FHDC1: variants seen among roughly 807,000 people sequenced by gnomAD.
FHDC1 encodes the protein FH2 domain-containing protein 1.
In FHDC1, 25 loss-of-function variants were observed where a neutral mutation model predicts 52.6. The observed-to-expected ratio is 0.48, with a 90% CI of 0.35 to 0.66. The LOEUF is 0.66. Among genes scored for constraint, FHDC1 ranks in the 30% least tolerant of loss-of-function variants. The pLI, the probability that FHDC1 is intolerant of heterozygous loss-of-function variation, is 0.01. For synonymous variants in FHDC1, 616 were observed against 581.5 expected, an observed-to-expected ratio of 1.06 and a Z score of -0.85; for missense variants, 1,459 against 1,452.8, an observed-to-expected ratio of 1.00 and a Z score of -0.07.
At chr4:152,916,097 T>G in the FHDC1 span, among the ~76,000 whole-genome samples, 1 of 151,766 alleles carries the variant, frequency 6.6e-6, no homozygotes, top group East Asian at 1.9e-4. Flanking sequence ...TGAGACATTC[T>G]ACAACATAAT....
intron 1 of FHDC1, among the ~76,000 whole-genome samples, chr4:152,936,772 C>G (rs1479472853): frequency 2.0e-5 from 3 of 152,260 alleles, no homozygotes; most frequent in Non-Finnish European, 4.4e-5. Context: ...GACTATTAGT[C>G]GTGGCTAAGA....
At position 152,943,450 on chromosome 4, in the gene FHDC1, A is replaced by G. The variant is rs140044104; in HGVS notation, c.393A>G (p.Thr131=). 3 of 1,614,034 alleles carry G rather than the reference A, an allele frequency of 1.9e-6. No homozygotes were observed. The highest frequency in any genetic ancestry group is 1.7e-5 in the Admixed American group (1 of 60,010). Reference sequence around the variant, plus strand: ...AGGAACATCACTACCAAATTGATACAAAGACCATTGAGGAGCTCTTTGGGC... The same window carrying G: ...AGGAACATCACTACCAAATTGATACGAAGACCATTGAGGAGCTCTTTGGGC... ...ARQEHHYQID[T]KTIEELFGQQ... is the part of the protein sequence containing the mutation. The change falls in exon 2 of 12, where the codon ACA becomes ACG. Residue 131 remains threonine (T), a synonymous_variant. Transcript: ENST00000511601.
intron 1 of FHDC1, among the ~76,000 whole-genome samples, chr4:152,938,951 G>C (rs985958501): frequency 6.6e-6 from 1 of 151,958 alleles, no homozygotes; most frequent in South Asian, 2.1e-4. Flanking sequence ...ACTGGTCCTC[G>C]TTCAGGAAAG....
At chr4:152,927,596 C>T in the FHDC1 span, 3 of 1,605,700 alleles carry the variant, frequency 1.9e-6, no homozygotes, top group Admixed American at 1.7e-5. Context: ...GGTTTATGAC[C>T]CTCGATCTCT....
chr4:152,937,755 G>A (rs1304710035), intron 1 of FHDC1, among the ~76,000 whole-genome samples: 2 of 152,048 alleles, frequency 1.3e-5, no homozygotes, highest in Admixed American at 6.5e-5. Context: ...CTTCTGCCCG[G>A]CGCTGATAAG....
intron 4 of FHDC1, among the ~76,000 whole-genome samples, chr4:152,958,304 A>G (rs1740169374): frequency 6.6e-6 from 1 of 152,104 alleles, no homozygotes; most frequent in Admixed American, 6.6e-5. Flanking sequence ...TGTTTAATCA[A>G]TGTTTTTTTT....
chr4:152,928,042 C>A, the FHDC1 span: 1 of 1,436,564 alleles, frequency 7.0e-7, no homozygotes, highest in Non-Finnish European at 9.8e-7. Context: ...GTGGCTCCTC[C>A]ATCCACTGCC....
the FHDC1 span, among the ~76,000 whole-genome samples, chr4:152,915,126 T>C: frequency 1.3e-5 from 2 of 152,204 alleles, no homozygotes; most frequent in Non-Finnish European, 2.9e-5. Flanking sequence ...AGATAATTAT[T>C]CTTTCCTTTG....
the FHDC1 span, chr4:152,927,363 A>G: frequency 1.4e-6 from 1 of 725,878 alleles, no homozygotes; most frequent in Non-Finnish European, 2.5e-6. Flanking sequence ...CCAATTGTGA[A>G]CCCAAAATAT....
chr4:152,932,412 A>AAG (rs1739269650), upstream of FHDC1, among the ~76,000 whole-genome samples: 4 of 152,046 alleles, frequency 2.6e-5, no homozygotes, highest in South Asian at 4.2e-4. Flanking sequence ...AAAAAAAAAA[A>AAG]AAGTTATTTG....
intron 4 of FHDC1, among the ~76,000 whole-genome samples, chr4:152,958,427 T>C (rs1561208737): frequency 6.6e-6 from 1 of 152,250 alleles, no homozygotes. Context: ...ATCTTGAAAT[T>C]GAACAAAGAA....
At position 152,943,116 on chromosome 4, in the gene FHDC1, C is replaced by T. The variant is rs781064122; in HGVS notation, c.59C>T (p.Thr20Ile). 1.2e-6 allele frequency: 2 copies of T among 1,614,108 alleles called. No homozygotes were observed. The highest frequency in any genetic ancestry group is 3.3e-5 in the Admixed American group (2 of 60,014). ...VSDKENGNIATAPGFMIGQTP... is the reference protein window; with the variant it reads ...VSDKENGNIAIAPGFMIGQTP... ...GATAAAGAAAATGGGAATATTGCCA[C>T]AGCACCTGGATTCATGATTGGGCAG... Residue 20 changes from threonine to isoleucine, a missense_variant, in exon 2 of 12, where the codon ACA becomes ATA. By Grantham distance (89) the Thr-to-Ile change is moderately conservative. Coordinates refer to ENST00000511601, the MANE Select transcript of FHDC1 (RefSeq NM_001371116.1).
chr4:152,919,066 C>T, the FHDC1 span, among the ~76,000 whole-genome samples: 1 of 152,220 alleles, frequency 6.6e-6, no homozygotes, highest in African/African-American at 2.4e-5. Flanking sequence ...GTGCTTTGCA[C>T]GTAAAGGTCA....
the FHDC1 span, among the ~76,000 whole-genome samples, chr4:152,920,437 A>G: frequency 6.6e-6 from 1 of 152,222 alleles, no homozygotes; most frequent in Non-Finnish European, 1.5e-5. Context: ...AGGATAAGTC[A>G]TAACCTTCAA....
intron 1 of FHDC1, among the ~76,000 whole-genome samples, chr4:152,938,310 T>C (rs1480920402): frequency 7.0e-6 from 1 of 142,496 alleles, no homozygotes; most frequent in East Asian, 2.1e-4. Context: ...ATATTTACAT[T>C]GTGCTGCAGA....
At position 152,963,003 on chromosome 4, in the gene FHDC1, T is replaced by C. The variant is rs1295023134; in HGVS notation, c.922-20T>C. ...TGTGTATGTATACATAATTTTTTCTTTTTGATTTGTCTTCTTTAGGGAGGG... is the reference window on the plus strand; with the variant it reads ...TGTGTATGTATACATAATTTTTTCTCTTTGATTTGTCTTCTTTAGGGAGGG... On this transcript the variant is annotated intron_variant, in intron 7 of 11. Transcript: ENST00000511601. The C allele has an allele frequency of 6.2e-7, 1 of 1,609,672 alleles. No individual in the cohort carries two copies. The highest frequency in any genetic ancestry group is 8.5e-7 in the Non-Finnish European group (1 of 1,177,502).
intron 1 of FHDC1, among the ~76,000 whole-genome samples, chr4:152,937,145 C>T (rs1287565347): frequency 1.3e-5 from 2 of 152,206 alleles, no homozygotes; most frequent in Non-Finnish European, 2.9e-5. Flanking sequence ...CAGGAGTCTC[C>T]CCTCTGTTTT....
At chr4:152,911,404 T>C in the FHDC1 span, 3 of 152,394 alleles carry the variant, frequency 2.0e-5, no homozygotes, top group East Asian at 5.8e-4. Context: ...GACAGTGTGG[T>C]GGTACCAGGA....
the FHDC1 span, chr4:152,928,289 C>CAA: frequency 2.0e-5 from 11 of 560,340 alleles, no homozygotes; most frequent in Admixed American, 1.2e-4. Flanking sequence ...TTATGTCCCT[C>CAA]AAAAAAAAAC....
Sources: gnomAD v4.1 joint callset for allele counts (sites outside exome capture counted in the v4.1 genomes callset) on GRCh38, gnomAD v4.1.1 for gene constraint, MANE v1.5 for transcripts, NCBI Gene and HGNC (gene_info 2026-07-23, HGNC 2026-07-21) for gene names.